Variants in ATP2B2 observed in about 807,000 individuals in gnomAD.
ATP2B2 encodes the protein plasma membrane calcium-transporting ATPase 2.
A neutral mutation model predicts 120.0 loss-of-function variants in ATP2B2; 15 were observed. The observed-to-expected ratio is 0.12, with a 90% confidence interval of 0.08 to 0.19. ATP2B2 has a LOEUF of 0.19. Ranked by LOEUF, ATP2B2 falls within the 10% of genes least tolerant of loss-of-function variation. ATP2B2 has a pLI of 1.00. For synonymous variants in ATP2B2, 694 were observed against 700.3 expected, an observed-to-expected ratio of 0.99 and a Z score of 0.14; for missense variants, 1,045 against 1,719.8, an observed-to-expected ratio of 0.61 and a Z score of 6.94.
At chr3:10,364,924 A>G (rs1381803620) in intron 12 of ATP2B2, among the ~76,000 whole-genome samples, 1 of 152,136 alleles carries the variant, frequency 6.6e-6, no homozygotes, top group Non-Finnish European at 1.5e-5. Flanking sequence ...CTGGAGGCCC[A>G]ACCTCAACAG....
chr3:10,475,654 G>C (rs1331835959), intron 1 of ATP2B2, among the ~76,000 whole-genome samples: 1 of 152,200 alleles, frequency 6.6e-6, no homozygotes, highest in African/African-American at 2.4e-5. Flanking sequence ...GCCTAACCCT[G>C]TTAGAGGAGT....
chr3:10,444,073 C>A (rs1158225385), intron 2 of ATP2B2, among the ~76,000 whole-genome samples: 1 of 152,190 alleles, frequency 6.6e-6, no homozygotes, highest in South Asian at 2.1e-4. Context: ...TTTCTCCTCT[C>A]GGCCTCATAC....
At chr3:10,580,734 A>T (rs534635923) in intron 2 of ATP2B2, among the ~76,000 whole-genome samples, 4 of 152,286 alleles carry the variant, frequency 2.6e-5, no homozygotes, top group African/African-American at 9.6e-5. Flanking sequence ...GATCTTTTAT[A>T]GCATTTCAGA....
At chr3:10,644,012 T>A (rs183387594) in intron 1 of ATP2B2, among the ~76,000 whole-genome samples, 1 of 152,266 alleles carries the variant, frequency 6.6e-6, no homozygotes, top group Admixed American at 6.5e-5. Context: ...AGAACAGGCT[T>A]GCAGATCATT....
chr3:10,537,695 T>C (rs987244095), intron 2 of ATP2B2, among the ~76,000 whole-genome samples: 3 of 152,220 alleles, frequency 2.0e-5, no homozygotes, highest in Non-Finnish European at 2.9e-5. Flanking sequence ...GCACTAGCTA[T>C]AGCTTTTAGC....
At chr3:10,378,653 C>T (rs1394633837) in intron 9 of ATP2B2, among the ~76,000 whole-genome samples, 4 of 152,326 alleles carry the variant, frequency 2.6e-5, no homozygotes, top group South Asian at 2.1e-4. Context: ...ACAGCAGGGA[C>T]TGATGCTGTT....
rs2059882172 is a variant in ATP2B2, at chr3:10,327,718, C to T, written c.*1096G>A. ...TCCTGGCATCCTTGGGCCGGATGGC[C>T]GTTAGTGTTGCAAACCCAGGAAGCC... On this transcript the variant is annotated 3_prime_UTR_variant, in exon 23 of 23. Coordinates refer to ENST00000360273, the MANE Select transcript of ATP2B2 (RefSeq NM_001001331.4). The T allele has an allele frequency of 6.5e-6, 1 of 152,774 alleles. No individual in the cohort carries two copies. Among genetic ancestry groups the T allele is most frequent in the East Asian group, 1.9e-4 (1 of 5,188 alleles). The allele number at this position is 152,774 out of a possible 1,614,324, so 9.5% of individuals were successfully genotyped here. A position where few individuals can be genotyped will look rare whatever the true frequency, so the allele number is the denominator to read the frequency against.
chr3:10,549,890 A>C (rs565812736), intron 2 of ATP2B2, among the ~76,000 whole-genome samples: 1 of 152,326 alleles, frequency 6.6e-6, no homozygotes, highest in East Asian at 1.9e-4. Flanking sequence ...CCCACTGAGG[A>C]GGGGCGTCTG....
At chr3:10,624,715 C>A (rs905106511) in intron 1 of ATP2B2, among the ~76,000 whole-genome samples, 12 of 152,122 alleles carry the variant, frequency 7.9e-5, no homozygotes, top group Non-Finnish European at 1.5e-5. Context: ...TGAATGAGTA[C>A]GAATGCATGA....
At chr3:10,559,307 G>A (rs2067849508) in intron 2 of ATP2B2, among the ~76,000 whole-genome samples, 1 of 152,170 alleles carries the variant, frequency 6.6e-6, no homozygotes, top group Non-Finnish European at 1.5e-5. Context: ...GGAATAAGTT[G>A]TAGTGCTTTA....
At chr3:10,600,437 A>G (rs1405526585) in intron 2 of ATP2B2, among the ~76,000 whole-genome samples, 1 of 152,026 alleles carries the variant, frequency 6.6e-6, no homozygotes, top group East Asian at 1.9e-4. Context: ...ATCTCCCCCT[A>G]CCAGCCTGGA....
chr3:10,359,769 G>C (rs558449665), intron 13 of ATP2B2, 113 bp downstream of exon 13: 26 of 1,498,130 alleles, frequency 1.7e-5, no homozygotes, highest in Non-Finnish European at 2.2e-5. Flanking sequence ...CACTCCAGCC[G>C]GGCAGGCTGC....
chr3:10,346,258 G>A lies in ATP2B2; in HGVS notation c.2405-121C>T, dbSNP rs1013386863. ...CTTCCTCTCTGGTCCCTGTCCAGCC[G>A]CCCCCTCCATCCAGGCTCTTCCCAG... On this transcript the variant is annotated intron_variant, in intron 16 of 22. Coordinates refer to ENST00000360273, the MANE Select transcript of ATP2B2 (RefSeq NM_001001331.4). This position sits in a 1 kb window ranked among gnomAD's most constrained non-coding sequence, Gnocchi z 4.1. 65 of 922,724 alleles carry A rather than the reference G, an allele frequency of 7.0e-5. No homozygotes were observed. The highest frequency in any genetic ancestry group is 5.8e-4 in the Admixed American group (29 of 50,066). 57.2% of individuals were successfully genotyped at this position (922,724 alleles called of 1,614,324 possible).
At chr3:10,357,577 A>G (rs947284579) in intron 14 of ATP2B2, among the ~76,000 whole-genome samples, 1 of 152,188 alleles carries the variant, frequency 6.6e-6, no homozygotes, top group Non-Finnish European at 1.5e-5. Context: ...AGAGACCCCC[A>G]GAGAACAGTG....
At chr3:10,600,625 G>C (rs553874762) in intron 2 of ATP2B2, among the ~76,000 whole-genome samples, 3 of 152,220 alleles carry the variant, frequency 2.0e-5, no homozygotes, top group Non-Finnish European at 4.4e-5. Flanking sequence ...AACTCCAGAC[G>C]GGGCTGGTGC....
At chr3:10,622,808 T>C (rs2069586836) in intron 1 of ATP2B2, among the ~76,000 whole-genome samples, 1 of 152,138 alleles carries the variant, frequency 6.6e-6, no homozygotes, top group African/African-American at 2.4e-5. Flanking sequence ...GCCCGTGGGA[T>C]TATCCATGAC....
At chr3:10,557,294 T>C (rs2067802868) in intron 2 of ATP2B2, among the ~76,000 whole-genome samples, 1 of 152,202 alleles carries the variant, frequency 6.6e-6, no homozygotes, top group African/African-American at 2.4e-5. Flanking sequence ...TTGGGAAGTG[T>C]GAACTTTTGA....
intron 3 of ATP2B2, among the ~76,000 whole-genome samples, chr3:10,524,808 C>T (rs1390317309): frequency 3.3e-5 from 5 of 152,170 alleles, no homozygotes; most frequent in African/African-American, 1.2e-4. Context: ...TTGACCCTGG[C>T]CATCTGTTTG....
intron 1 of ATP2B2, among the ~76,000 whole-genome samples, chr3:10,467,157 C>G (rs1364505934): frequency 6.6e-6 from 1 of 152,204 alleles, no homozygotes; most frequent in African/African-American, 2.4e-5. Flanking sequence ...GTCATGACAC[C>G]CTCAACCTCT....
Sources: gnomAD v4.1 joint callset for allele counts (sites outside exome capture counted in the v4.1 genomes callset) on GRCh38, gnomAD v4.1.1 for gene constraint, Gnocchi (gnomAD v3.1) non-coding constraint, MANE v1.5 for transcripts, NCBI Gene and HGNC (gene_info 2026-07-23, HGNC 2026-07-21) for gene names.